Variants in ABLIM1 observed in about 807,000 individuals in gnomAD.
ABLIM1 encodes actin binding LIM protein 1, also known as actin-binding LIM protein 1.
A neutral mutation model predicts 107.0 loss-of-function variants in ABLIM1; 40 were observed. The ratio of observed to expected loss-of-function variants is 0.37; its 90% CI spans 0.29 to 0.49. ABLIM1 has a LOEUF of 0.49. Among genes scored for constraint, ABLIM1 ranks in the 20% least tolerant of loss-of-function variants. The pLI, the probability that ABLIM1 is intolerant of heterozygous loss-of-function variation, is 0.97. For synonymous variants in ABLIM1, 357 were observed against 357.3 expected (o/e 1.00, Z 0.01); for missense variants, 857 against 1,008.5 (o/e 0.85, Z 2.04).
intron 6 of ABLIM1, among the ~76,000 whole-genome samples, chr10:114,510,788 C>A (rs1057156329): frequency 1.3e-5 from 2 of 151,730 alleles, no homozygotes; most frequent in Non-Finnish European, 2.9e-5. Flanking sequence ...GTAGCTGGGA[C>A]TATAGGCATG....
At chr10:114,749,791 G>A (rs2082471811) in intron 1 of ABLIM1, among the ~76,000 whole-genome samples, 2 of 151,948 alleles carry the variant, frequency 1.3e-5, no homozygotes, top group Admixed American at 6.6e-5. Context: ...CTTTGCAATT[G>A]CTCTTCCCTC....
At chr10:114,553,839 G>A (rs560426797) in intron 4 of ABLIM1, among the ~76,000 whole-genome samples, 1 of 152,194 alleles carries the variant, frequency 6.6e-6, no homozygotes, top group Non-Finnish European at 1.5e-5. Flanking sequence ...GTGATGTGGT[G>A]TGAATTTCCA....
At chr10:114,618,522 G>C (rs990748332) in intron 1 of ABLIM1, among the ~76,000 whole-genome samples, 1 of 152,186 alleles carries the variant, frequency 6.6e-6, no homozygotes, top group Non-Finnish European at 1.5e-5. Context: ...TCCAGGAAGT[G>C]GTAGAGACGT....
chr10:114,742,653 GC>G (rs1306500531), intron 1 of ABLIM1, among the ~76,000 whole-genome samples: 1 of 152,130 alleles, frequency 6.6e-6, no homozygotes, highest in Non-Finnish European at 1.5e-5. Flanking sequence ...CCTCAGCCAG[GC>G]ACAGTGGCTC....
At chr10:114,513,195 A>G (rs1416454522) in intron 6 of ABLIM1, among the ~76,000 whole-genome samples, 1 of 152,204 alleles carries the variant, frequency 6.6e-6, no homozygotes, top group African/African-American at 2.4e-5. Flanking sequence ...CTGAAAATTC[A>G]TTTCTTACCC....
intron 6 of ABLIM1, among the ~76,000 whole-genome samples, chr10:114,507,225 G>A (rs796416014): frequency 1.1e-4 from 17 of 152,254 alleles, no homozygotes; most frequent in African/African-American, 4.1e-4. Context: ...ATGCCTTCCA[G>A]CCTGGAATTT....
the ABLIM1 span, among the ~76,000 whole-genome samples, chr10:114,784,349 AAAAGAAAGAAAG>A: frequency 1.4e-4 from 19 of 131,948 alleles, no homozygotes; most frequent in South Asian, 6.9e-4. Context: ...CTGTCTCAAA[AAAAGAAAGAAAG>A]AAAGAAAGAA....
chr10:114,681,773 A>G (rs1009419939), intron 1 of ABLIM1, among the ~76,000 whole-genome samples: 1 of 152,230 alleles, frequency 6.6e-6, no homozygotes, highest in Admixed American at 6.5e-5. Context: ...AGAAGCTCCT[A>G]AGACTCAGTC....
At position 114,441,011 on chromosome 10, in the gene ABLIM1, C is replaced by A; in HGVS notation, c.2059+6G>T. On this transcript the variant is annotated splice_donor_region_variant and intron_variant, in intron 19 of 22. Transcript: ENST00000533213. ...GCCATGCTCAGCCTGGCCATGGGAG[C>A]CTCACCTCGCACTCCCCCGCTGACA... The A allele has an allele frequency of 6.3e-7, 1 of 1,584,772 alleles. No individual in the cohort carries two copies. The highest frequency in any genetic ancestry group is 1.8e-5 in the Admixed American group (1 of 56,094).
chr10:114,446,374 T>C (rs1447009557), intron 15 of ABLIM1, among the ~76,000 whole-genome samples: 1 of 152,206 alleles, frequency 6.6e-6, no homozygotes, highest in East Asian at 1.9e-4. Flanking sequence ...AATTTTACTT[T>C]GGAACAATAT....
upstream of ABLIM1, among the ~76,000 whole-genome samples, chr10:114,659,861 G>A (rs1042893822): frequency 6.6e-6 from 1 of 152,186 alleles, no homozygotes; most frequent in Non-Finnish European, 1.5e-5. Context: ...CTCCCATGCT[G>A]ACTCTTCCTA....
At chr10:114,491,068 C>G (rs1404155824) in intron 7 of ABLIM1, among the ~76,000 whole-genome samples, 1 of 145,560 alleles carries the variant, frequency 6.9e-6, no homozygotes, top group Admixed American at 7.1e-5. Flanking sequence ...TGAGGATTCC[C>G]TATGTTGCCC....
At chr10:114,467,113 T>C (rs6585282) in intron 11 of ABLIM1, among the ~76,000 whole-genome samples, 100,248 of 151,984 alleles carry the variant, frequency 0.66, 33,843 homozygotes, top group African/African-American at 0.82. Flanking sequence ...GAGCCAAGAT[T>C]GTGCCACTAC....
intron 6 of ABLIM1, among the ~76,000 whole-genome samples, chr10:114,506,194 T>G (rs996929115): frequency 1.3e-5 from 2 of 152,208 alleles, no homozygotes; most frequent in Admixed American, 1.3e-4. Flanking sequence ...GACATGATTT[T>G]GTTCCGTTTT....
the ABLIM1 span, among the ~76,000 whole-genome samples, chr10:114,784,798 G>C: frequency 6.6e-6 from 1 of 151,884 alleles, no homozygotes; most frequent in Admixed American, 6.6e-5. Context: ...AATAAGTGGA[G>C]AGGGTAGAAT....
the ABLIM1 span, among the ~76,000 whole-genome samples, chr10:114,791,192 C>T: frequency 2.6e-5 from 4 of 152,166 alleles, no homozygotes; most frequent in Admixed American, 2.0e-4. Context: ...ACTGATCCCG[C>T]CACATAAGCC....
rs189454484 is a variant in ABLIM1 at position 114,574,522 on chromosome 10, C to T, written c.563+894G>A. Among the ~76,000 whole-genome samples the T allele has an allele frequency of 2.4e-3, 360 of 152,140 alleles. 2 individuals are homozygous for T. Among genetic ancestry groups the T allele is most frequent in the African/African-American group, 7.3e-3 (303 of 41,480 alleles). Reference sequence around the variant, plus strand: ...TGGCACGATCTCGGCTCACTGCAACCTCCGCCTCCCGGGTTCAAGCCATTC... The same window carrying T: ...TGGCACGATCTCGGCTCACTGCAACTTCCGCCTCCCGGGTTCAAGCCATTC... On this transcript the variant is annotated intron_variant, in intron 3 of 22. Coordinates refer to ENST00000533213, the MANE Select transcript of ABLIM1 (RefSeq NM_002313.7).
intron 6 of ABLIM1, among the ~76,000 whole-genome samples, chr10:114,502,654 G>A (rs1179466242): frequency 2.6e-5 from 4 of 152,110 alleles, no homozygotes; most frequent in Non-Finnish European, 5.9e-5. Context: ...GCGCCACCAT[G>A]CCTGTCTAAT....
At chr10:114,745,847 A>C (rs1233789679) in intron 1 of ABLIM1, among the ~76,000 whole-genome samples, 1 of 152,242 alleles carries the variant, frequency 6.6e-6, no homozygotes, top group African/African-American at 2.4e-5. Context: ...GTCTAAAAAA[A>C]AAATTCCTAA....
Sources: gnomAD v4.1 joint callset for allele counts (sites outside exome capture counted in the v4.1 genomes callset) on GRCh38, gnomAD v4.1.1 for gene constraint, MANE v1.5 for transcripts, NCBI Gene and HGNC (gene_info 2026-07-23, HGNC 2026-07-21) for gene names.